The following PARG variants were observed in gnomAD, a reference collection of about 807,000 sequenced individuals.
PARG encodes the protein poly(ADP-ribose) glycohydrolase.
In PARG, 35 loss-of-function variants were observed where a neutral mutation model predicts 113.0. The observed-to-expected ratio is 0.31, with a 90% CI of 0.24 to 0.41. PARG has a LOEUF of 0.41. Among genes scored for constraint, PARG ranks in the 10% least tolerant of loss-of-function variants. PARG has a pLI of 1.00. For missense variants in PARG, 797 were observed against 1,169.4 expected, an observed-to-expected ratio of 0.68 and a Z score of 4.64; for synonymous variants, 330 against 409.9, an observed-to-expected ratio of 0.81 and a Z score of 2.36.
At chr10:49,931,775 G>A (rs1171562881) in intron 4 of PARG, among the ~76,000 whole-genome samples, 32 of 148,622 alleles carry the variant, frequency 2.2e-4, no homozygotes, top group Non-Finnish European at 3.4e-4. Flanking sequence ...ATTTAGGGAC[G>A]AATGCAGGAT....
intron 2 of PARG, 131 bp downstream of exon 2, chr10:49,934,945 A>T: frequency 1.6e-6 from 1 of 622,110 alleles, no homozygotes; most frequent in African/African-American, 1.9e-5. Context: ...AAAATTACTT[A>T]TAAGTTGATT....
chr10:49,858,091 C>T (rs1434079676), intron 12 of PARG, among the ~76,000 whole-genome samples: 2 of 96,010 alleles, frequency 2.1e-5, no homozygotes, highest in Non-Finnish European at 4.2e-5. Flanking sequence ...AACAAAGATT[C>T]AATTAAAGTA....
Position 49,921,055 on chromosome 10 carries a change from A to G in PARG, c.1662+1281T>C, listed in dbSNP as rs1412846397. Among the ~76,000 whole-genome samples, 5 of 152,206 alleles carry G rather than the reference A, an allele frequency of 3.3e-5. No individual in the cohort carries two copies. In the East Asian group the frequency reaches 7.7e-4, roughly 24 times the overall value. On this transcript the variant is annotated intron_variant, in intron 6 of 17. Transcript: ENST00000616448. ...AATATATGGATAGGGAATGGGGTGG[A>G]GAAAGAAGGACGGAAATGTTGTCAC...
At chr10:49,919,276 T>C (rs1235078714) in intron 6 of PARG, among the ~76,000 whole-genome samples, 7 of 152,094 alleles carry the variant, frequency 4.6e-5, no homozygotes, top group African/African-American at 1.2e-4. Context: ...TGAAGAAATA[T>C]AAAAATTCTT....
intron 4 of PARG, among the ~76,000 whole-genome samples, chr10:49,929,540 G>T (rs1186391801): frequency 6.6e-6 from 1 of 152,232 alleles, no homozygotes; most frequent in Non-Finnish European, 1.5e-5. Context: ...TAGAAATACA[G>T]TTTTTGGCTG....
intron 11 of PARG, among the ~76,000 whole-genome samples, chr10:49,864,255 T>C (rs1205678121): frequency 2.0e-5 from 3 of 152,068 alleles, no homozygotes; most frequent in African/African-American, 7.2e-5. Context: ...TCTCATCTTT[T>C]TCTGGCTCAT....
At chr10:49,895,865 T>G (rs187439759) in intron 7 of PARG, among the ~76,000 whole-genome samples, 702 of 152,278 alleles carry the variant, frequency 4.6e-3, no homozygotes, top group East Asian at 0.018. Context: ...TATTTTATGG[T>G]TTTTTAAAGC....
At chr10:49,831,620 A>G (rs1034037564) in intron 16 of PARG, among the ~76,000 whole-genome samples, 4 of 152,158 alleles carry the variant, frequency 2.6e-5, no homozygotes, top group African/African-American at 4.8e-5. Context: ...TGAGACTTCA[A>G]TGAAATCTTT....
chr10:49,870,413 T>C (rs1459690493), intron 9 of PARG, among the ~76,000 whole-genome samples: 1 of 152,018 alleles, frequency 6.6e-6, no homozygotes, highest in Non-Finnish European at 1.5e-5. Context: ...CCCAGTTCTA[T>C]GGTATTTTAT....
At chr10:49,865,916 GGAGT>G (rs1564621766) in intron 10 of PARG, among the ~76,000 whole-genome samples, 1 of 151,062 alleles carries the variant, frequency 6.6e-6, no homozygotes, top group Non-Finnish European at 1.5e-5. Context: ...CACATCCTCT[GGAGT>G]TAGTACAGCT....
At chr10:49,833,299 T>C (rs1844761435) in intron 15 of PARG, 1 of 153,246 alleles carries the variant, frequency 6.5e-6, no homozygotes. Context: ...TTAGAACAGT[T>C]TTCTTTTTCT....
chr10:49,838,287 C>A (rs1284400240), intron 15 of PARG, among the ~76,000 whole-genome samples: 1 of 151,624 alleles, frequency 6.6e-6, no homozygotes, highest in Non-Finnish European at 1.5e-5. Context: ...CAAAAATAGC[C>A]GGGAGTAGTG....
chr10:49,874,766 T>C (rs2573481), intron 9 of PARG, among the ~76,000 whole-genome samples: 4 of 149,992 alleles, frequency 2.7e-5, no homozygotes, highest in African/African-American at 4.9e-5. Flanking sequence ...AGGCAGGAGA[T>C]TGGTGTGAAC....
intron 15 of PARG, 120 bp from the exon 16 acceptor site, chr10:49,833,028 C>A: frequency 2.0e-6 from 1 of 493,762 alleles, no homozygotes; most frequent in South Asian, 4.1e-5. Flanking sequence ...TTTTTTTTTT[C>A]CATAGGGGCC....
intron 8 of PARG, among the ~76,000 whole-genome samples, chr10:49,881,025 G>C (rs1847189893): frequency 6.6e-6 from 1 of 152,138 alleles, no homozygotes; most frequent in South Asian, 2.1e-4. Flanking sequence ...TTTTAGATCT[G>C]ATAAAAGCTC....
chr10:49,820,378 C>T, intron 16 of PARG, 85 bp from the exon 17 acceptor site: 2 of 890,418 alleles, frequency 2.2e-6, no homozygotes, highest in East Asian at 5.3e-5. Context: ...TGTGCCACAG[C>T]TTCATCCTAG....
intron 1 of PARG, among the ~76,000 whole-genome samples, 153 bp downstream of exon 1, chr10:49,941,356 C>T (rs1839050182): frequency 6.6e-6 from 1 of 152,154 alleles, no homozygotes; most frequent in Non-Finnish European, 1.5e-5. Flanking sequence ...GCCCCATTCA[C>T]CCACTAGTGG....
intron 6 of PARG, 116 bp from the exon 7 acceptor site, chr10:49,916,107 T>A (rs2664655): frequency 7.2e-6 from 5 of 693,204 alleles, no homozygotes; most frequent in Non-Finnish European, 1.1e-5. Flanking sequence ...ACAAGCTTCC[T>A]ACTACCTCCC....
At chr10:49,920,615 C>A (rs542053340) in intron 6 of PARG, among the ~76,000 whole-genome samples, 2 of 141,746 alleles carry the variant, frequency 1.4e-5, no homozygotes, top group Non-Finnish European at 3.0e-5. Flanking sequence ...TACATATATA[C>A]GTATATATAT....
Sources: gnomAD v4.1 joint callset for allele counts (sites outside exome capture counted in the v4.1 genomes callset) on GRCh38, gnomAD v4.1.1 for gene constraint, MANE v1.5 for transcripts, NCBI Gene and HGNC (gene_info 2026-07-23, HGNC 2026-07-21) for gene names.